The following KCNQ1 variants were observed in gnomAD, a reference collection of about 807,000 sequenced individuals.
KCNQ1 encodes potassium voltage-gated channel subfamily Q member 1.
KCNQ1 carries 49 observed loss-of-function variants against 72.4 expected under a neutral mutation model. That is an observed-to-expected ratio of 0.68 (90% CI 0.54 to 0.86). The LOEUF (loss-of-function observed/expected upper bound fraction) is 0.86. Ranked by LOEUF, KCNQ1 falls within the 40% of genes least tolerant of loss-of-function variation. The probability of loss-of-function intolerance (pLI) is 0.00; values close to 1 mark genes in which losing one functional copy is unlikely to be tolerated. For synonymous variants in KCNQ1, 450 were observed against 412.6 expected (o/e 1.09, Z -1.10); for missense variants, 790 against 945.1 (o/e 0.84, Z 2.15).
intron 15 of KCNQ1, among the ~76,000 whole-genome samples, chr11:2,834,122 G>A (rs919891845): frequency 2.6e-5 from 4 of 152,236 alleles, no homozygotes; most frequent in African/African-American, 9.6e-5. Context: ...GCTGTGCCTG[G>A]CGTGGCTGTG....
Position 2,601,988 on chromosome 11 carries a change from T to C in KCNQ1, c.1393+13134T>C, listed in dbSNP as rs1848815263. Among the ~76,000 whole-genome samples, 1 of 152,162 alleles carries C rather than the reference T, an allele frequency of 6.6e-6. No homozygotes were observed. The highest frequency in any genetic ancestry group is 2.4e-5 in the African/African-American group (1 of 41,442). On this transcript the variant is annotated intron_variant, in intron 10 of 15. Transcript: ENST00000155840. This position sits in a 1 kb window ranked among gnomAD's most constrained non-coding sequence, Gnocchi z 5.2. ...AATTAAGGACCTTGAGATGGAGAGA[T>C]CATCCTGGGTTATCTGAATGGGCCC...
In KCNQ1 at chr11:2,746,679, A is replaced by C. The variant is rs937261253; in HGVS notation, c.1515-22165A>C. ...TCTCATCGCCCTGTTCCGAGGGCCC[A>C]TCCTGTCGGTGTGGCTCGTCATGGG... On this transcript the variant is annotated intron_variant, in intron 11 of 15. Coordinates refer to ENST00000155840, the MANE Select transcript of KCNQ1 (RefSeq NM_000218.3). The surrounding 1 kb of genome is among the most constrained non-coding windows in gnomAD (Gnocchi z 5.9). Among the ~76,000 whole-genome samples the C allele has an allele frequency of 6.6e-6, 1 of 152,218 alleles. No individual in the cohort carries two copies.
intron 11 of KCNQ1, chr11:2,693,700 T>C: frequency 2.5e-6 from 1 of 398,640 alleles, no homozygotes; most frequent in Non-Finnish European, 4.4e-6. Context: ...CGCTCCAGCC[T>C]CATGGGCCTT....
chr11:2,480,385 A>C (rs1846633369), intron 1 of KCNQ1, among the ~76,000 whole-genome samples: 1 of 152,240 alleles, frequency 6.6e-6, no homozygotes, highest in African/African-American at 2.4e-5. Context: ...TCTCACAATC[A>C]TGGCGGAAGA....
rs1590115002 is a variant in KCNQ1, at chr11:2,827,936, A to G, written c.1795-19831A>G. On this transcript the variant is annotated intron_variant, in intron 15 of 15. Transcript: ENST00000155840. The surrounding 1 kb of genome is among the most constrained non-coding windows in gnomAD (Gnocchi z 6.7). ...GAAGTGGTGAGGTCAGGGGCCGGGA[A>G]CCCTATGGTGGTGTTGGCCCTGAGT... Among the ~76,000 whole-genome samples, 4 of 152,230 alleles carry G rather than the reference A, an allele frequency of 2.6e-5. No homozygotes were observed. Among genetic ancestry groups the G allele is most frequent in the Non-Finnish European group, 5.9e-5 (4 of 67,998 alleles).
intron 2 of KCNQ1, among the ~76,000 whole-genome samples, chr11:2,561,212 A>AAAAAG (rs1240444298): frequency 4.0e-5 from 6 of 150,878 alleles, no homozygotes; most frequent in African/African-American, 1.5e-4. Context: ...AAAAAAAAAA[A>AAAAAG]AAAGAAAAAA....
intron 11 of KCNQ1, chr11:2,688,901 G>T: frequency 2.5e-6 from 1 of 399,060 alleles, no homozygotes; most frequent in Non-Finnish European, 4.4e-6. Context: ...CTGAGGTGGG[G>T]CTAGGGCCAC....
intron 1 of KCNQ1, among the ~76,000 whole-genome samples, chr11:2,500,141 A>C (rs1233030528): frequency 6.6e-6 from 1 of 152,232 alleles, no homozygotes; most frequent in Non-Finnish European, 1.5e-5. Context: ...TGGAAACACA[A>C]CTTACCAAAA....
chr11:2,646,228 A>G (rs747754327), intron 10 of KCNQ1: 5 of 398,544 alleles, frequency 1.3e-5, no homozygotes, highest in Non-Finnish European at 2.2e-5. Flanking sequence ...AGATGCCTCT[A>G]GTCAGCCATC....
At chr11:2,742,208 G>C (rs1005131674) in intron 11 of KCNQ1, among the ~76,000 whole-genome samples, 1 of 152,024 alleles carries the variant, frequency 6.6e-6, no homozygotes, top group Admixed American at 6.5e-5. Context: ...CGGGTGGCTT[G>C]GGGGGTACCA....
chr11:2,597,631 C>T (rs969874318), intron 10 of KCNQ1, among the ~76,000 whole-genome samples: 54 of 152,302 alleles, frequency 3.5e-4, no homozygotes, highest in African/African-American at 1.2e-3. Flanking sequence ...ATCTACCTTC[C>T]TTGTTCTGTG....
At position 2,451,150 on chromosome 11, in the gene KCNQ1, C is replaced by T. The variant is rs1194519211; in HGVS notation, c.386+5666C>T. Among the ~76,000 whole-genome samples, 3 of 152,170 alleles carry T rather than the reference C, an allele frequency of 2.0e-5. No individual in the cohort carries two copies. Among genetic ancestry groups the T allele is most frequent in the African/African-American group, 4.8e-5 (2 of 41,434 alleles). On this transcript the variant is annotated intron_variant, in intron 1 of 15. Transcript: ENST00000155840. This position sits in a 1 kb window ranked among gnomAD's most constrained non-coding sequence, Gnocchi z 6.4. ...ACCGTTCCCCGTAGAGCAGCAGTCC[C>T]CAACCTTTTTAGTACCAGAGACCTG...
rs916496141 is a variant in KCNQ1, at chr11:2,824,844, C to T, written c.1795-22923C>T. Among the ~76,000 whole-genome samples, 2 of 152,238 alleles carry T rather than the reference C, an allele frequency of 1.3e-5. No homozygotes were observed. The highest frequency in any genetic ancestry group is 2.9e-5 in the Non-Finnish European group (2 of 68,052). On this transcript the variant is annotated intron_variant, in intron 15 of 15. Transcript: ENST00000155840. This position sits in a 1 kb window ranked among gnomAD's most constrained non-coding sequence, Gnocchi z 5.9. ...TGTCTCAGTGCCGTGCCGCATCCAT[C>T]CTGCCCCTGGCACCGGAGGGTACAC...
In KCNQ1 at chr11:2,645,427, A is replaced by G; in HGVS notation, c.1394-16534A>G. On this transcript the variant is annotated intron_variant, in intron 10 of 15. Coordinates refer to ENST00000155840, the MANE Select transcript of KCNQ1 (RefSeq NM_000218.3). This position sits in a 1 kb window ranked among gnomAD's most constrained non-coding sequence, Gnocchi z 5.8. ...TGTCCTGAGGCCCTCCAGTAATGCA[A>G]GAATGTACTGACTGTGGTAGGCAGG... 1 of 398,694 alleles carries G rather than the reference A, an allele frequency of 2.5e-6. No homozygotes were observed. Among genetic ancestry groups the G allele is most frequent in the Non-Finnish European group, 4.4e-6 (1 of 226,138 alleles). 24.7% of individuals were successfully genotyped at this position (398,694 alleles called of 1,614,324 possible).
rs918994143 is a variant in KCNQ1, at chr11:2,488,538, A to C, written c.387-39390A>C. Among the ~76,000 whole-genome samples the C allele has an allele frequency of 2.6e-5, 4 of 152,190 alleles. No homozygotes were observed. Among genetic ancestry groups the C allele is most frequent in the African/African-American group, 9.7e-5 (4 of 41,438 alleles). On this transcript the variant is annotated intron_variant, in intron 1 of 15. Coordinates refer to ENST00000155840, the MANE Select transcript of KCNQ1 (RefSeq NM_000218.3). This position sits in a 1 kb window ranked among gnomAD's most constrained non-coding sequence, Gnocchi z 5.1. ...CTGATTCAATCTCCTCACTAGTTAT[A>C]GGTCCATGAAGATTTTGTATTTCTT...
rs141449335 is a variant in KCNQ1 at position 2,457,804 on chromosome 11, T to A, written c.386+12320T>A. Among the ~76,000 whole-genome samples the A allele has an allele frequency of 1.3e-4, 20 of 149,880 alleles. No individual in the cohort carries two copies. In the East Asian group the frequency reaches 3.7e-3, roughly 28 times the overall value. ...AAAAGTTGAATAAAATGGAAACTTTTGGCATGGGAGAAAAAAAAAAAAAAC... is the reference window on the plus strand; with the variant it reads ...AAAAGTTGAATAAAATGGAAACTTTAGGCATGGGAGAAAAAAAAAAAAAAC... On this transcript the variant is annotated intron_variant, in intron 1 of 15. Transcript: ENST00000155840. This position sits in a 1 kb window ranked among gnomAD's most constrained non-coding sequence, Gnocchi z 5.0.
chr11:2,682,650 G>C lies in KCNQ1; in HGVS notation c.1514+20569G>C, dbSNP rs1590029435. ...AGGCTCAGTCATCCCTGCTTCCCCA[G>C]GGCTCATGTCCACATGCTATTGTCC... On this transcript the variant is annotated intron_variant, in intron 11 of 15. Transcript: ENST00000155840. This position sits in a 1 kb window ranked among gnomAD's most constrained non-coding sequence, Gnocchi z 5.8. 1 of 398,582 alleles carries C rather than the reference G, an allele frequency of 2.5e-6. No individual in the cohort carries two copies. Among genetic ancestry groups the C allele is most frequent in the East Asian group, 3.6e-5 (1 of 28,068 alleles). 24.7% of individuals were successfully genotyped at this position (398,582 alleles called of 1,614,324 possible). A position where few individuals can be genotyped will look rare whatever the true frequency, so the allele number is the denominator to read the frequency against.
At chr11:2,453,978 A>C (rs926189) in intron 1 of KCNQ1, among the ~76,000 whole-genome samples, 118,432 of 152,020 alleles carry the variant, frequency 0.78, 46,840 homozygotes, top group Non-Finnish European at 0.86. Context: ...CTGTGTTGGC[A>C]AGGGTGGTCT....
At chr11:2,780,007 C>T (rs867189894) in intron 15 of KCNQ1, among the ~76,000 whole-genome samples, 1 of 152,250 alleles carries the variant, frequency 6.6e-6, no homozygotes, top group South Asian at 2.1e-4. Flanking sequence ...CACGAGGATT[C>T]TGGTAGATTC....
Sources: allele counts gnomAD v4.1 joint callset (sites outside exome capture counted in the v4.1 genomes callset), GRCh38; gene constraint gnomAD v4.1.1; non-coding constraint Gnocchi (gnomAD v3.1); transcripts MANE v1.5; gene names NCBI Gene and HGNC (gene_info 2026-07-23, HGNC 2026-07-21).